The following FLVCR1 variants were observed in gnomAD, a reference collection of about 807,000 sequenced individuals.
FLVCR1 encodes choline/ethanolamine transporter FLVCR1.
A neutral mutation model predicts 53.6 loss-of-function variants in FLVCR1; 34 were observed. That is an observed-to-expected ratio of 0.63 (90% CI 0.48 to 0.84). The LOEUF (loss-of-function observed/expected upper bound fraction) is 0.84. Ranked by LOEUF, FLVCR1 falls within the 40% of genes least tolerant of loss-of-function variation. The probability of loss-of-function intolerance (pLI) is 0.00; values close to 1 mark genes in which losing one functional copy is unlikely to be tolerated. For synonymous variants in FLVCR1, 300 were observed against 286.3 expected, an observed-to-expected ratio of 1.05 and a Z score of -0.48; for missense variants, 677 against 696.7, an observed-to-expected ratio of 0.97 and a Z score of 0.32.
chr1:212,863,724 G>C lies in FLVCR1; in HGVS notation c.739-1G>C. On this transcript the variant is annotated splice_acceptor_variant, in intron 1 of 9. Transcript: ENST00000366971. LOFTEE classifies it high-confidence loss of function. ...TGTTAACAGGACTATGTGTTTTTCA[G>C]CTTGGAACTGCAGTTGGCTTTTTGC... 1 of 1,613,824 alleles carries C rather than the reference G, an allele frequency of 6.2e-7. No individual in the cohort carries two copies. The highest frequency in any genetic ancestry group is 8.5e-7 in the Non-Finnish European group (1 of 1,179,914).
Position 212,895,586 on chromosome 1 carries a change from A to G in FLVCR1, c.*296A>G, listed in dbSNP as rs1665313283. On this transcript the variant is annotated 3_prime_UTR_variant, in exon 10 of 10. Coordinates refer to ENST00000366971, the MANE Select transcript of FLVCR1 (RefSeq NM_014053.4). Reference sequence around the variant, plus strand: ...TAAGCTTCTTGACGTTTACTTTTTAAAAGTCGATGTTTTTCTTTTTTGTAG... The same window carrying G: ...TAAGCTTCTTGACGTTTACTTTTTAGAAGTCGATGTTTTTCTTTTTTGTAG... 2.6e-6 allele frequency: 1 copy of G among 390,674 alleles called. No individual in the cohort carries two copies. The highest frequency in any genetic ancestry group is 2.0e-5 in the African/African-American group (1 of 48,954). 24.2% of individuals were successfully genotyped at this position (390,674 alleles called of 1,614,324 possible). A position where few individuals can be genotyped will look rare whatever the true frequency, so the allele number is the denominator to read the frequency against.
chr1:212,888,392 G>T, intron 6 of FLVCR1, 97 bp from the exon 7 acceptor site: 1 of 835,946 alleles, frequency 1.2e-6, no homozygotes, highest in Non-Finnish European at 2.1e-6. Context: ...TCACTTATTT[G>T]GTCATTAGAA....
At chr1:212,883,343 T>G in intron 3 of FLVCR1, 28 bp from the exon 4 acceptor site, 6 of 1,256,798 alleles carry the variant, frequency 4.8e-6, no homozygotes, top group Non-Finnish European at 7.0e-6. Flanking sequence ...GTATCATGAC[T>G]TAATATCATC....
intron 4 of FLVCR1, among the ~76,000 whole-genome samples, chr1:212,884,945 GTA>G (rs1665021075): frequency 6.6e-6 from 1 of 152,162 alleles, no homozygotes; most frequent in African/African-American, 2.4e-5. Flanking sequence ...GGATCATACT[GTA>G]TATATGATTC....
chr1:212,858,710 G>A lies in FLVCR1; in HGVS notation c.258G>A (p.Ala86=). 6.3e-7 allele frequency: 1 copy of A among 1,599,358 alleles called. No individual in the cohort carries two copies. The highest frequency in any genetic ancestry group is 8.5e-7 in the Non-Finnish European group (1 of 1,174,698). Residue 86 remains alanine, a synonymous_variant, in exon 1 of 10, where the codon GCG becomes GCA. Coordinates refer to ENST00000366971, the MANE Select transcript of FLVCR1 (RefSeq NM_014053.4). ...AGGCCCGGCTGCTGCCTGCGGGCGC[G>A]GGAGCTGAGACCCCGGGGGCCGAGA... ...ETQARLLPAG[A]GAETPGAESS...
chr1:212,859,093 A>G lies in FLVCR1; in HGVS notation c.641A>G (p.Gln214Arg). The change falls in exon 1 of 10, where the codon CAG becomes CGG. Residue 214 changes from glutamine (Q) to arginine (R), a missense_variant. Transcript: ENST00000366971. ...GGCCAGTGCTTGTGCTCGGTGGCCC[A>G]GGTGTTCATCCTGGGCTTGCCCTCC... ...MLGQCLCSVA[Q>R]VFILGLPSRI... 6.2e-7 allele frequency: 1 copy of G among 1,613,772 alleles called. No individual in the cohort carries two copies.
At position 212,888,491 on chromosome 1, in the gene FLVCR1, T is replaced by A; in HGVS notation, c.1310T>A (p.Phe437Tyr). The change falls in exon 7 of 10, where the codon TTC becomes TAC. Residue 437 changes from phenylalanine to tyrosine, a missense_variant and splice_region_variant. Coordinates refer to ENST00000366971, the MANE Select transcript of FLVCR1 (RefSeq NM_014053.4). ...IVFVTGGVLG[F>Y]FMTGYLPLGF... ...TAATTCTGGATTTATTTTCCTAGCT[T>A]CTTCATGACTGGTTACCTCCCTTTG... 1 of 1,608,988 alleles carries A rather than the reference T, an allele frequency of 6.2e-7. No individual in the cohort carries two copies. The highest frequency in any genetic ancestry group is 1.3e-5 in the African/African-American group (1 of 74,932).
chr1:212,877,242 T>C (rs1255506026), intron 3 of FLVCR1, among the ~76,000 whole-genome samples: 1 of 151,558 alleles, frequency 6.6e-6, no homozygotes, highest in African/African-American at 2.4e-5. Context: ...TTCACACCAT[T>C]CTCCTGCCTC....
intron 3 of FLVCR1, among the ~76,000 whole-genome samples, chr1:212,879,949 A>G (rs1383639318): frequency 6.7e-6 from 1 of 150,212 alleles, no homozygotes; most frequent in African/African-American, 2.4e-5. Flanking sequence ...CTTAGATACC[A>G]TACTCTAGGT....
At chr1:212,894,277 C>G (rs1250756040) in intron 8 of FLVCR1, among the ~76,000 whole-genome samples, 1 of 152,144 alleles carries the variant, frequency 6.6e-6, no homozygotes, top group Non-Finnish European at 1.5e-5. Context: ...TCTCAGCCTC[C>G]CTAGTAGTTG....
chr1:212,865,518 T>A lies in FLVCR1; in HGVS notation c.883+1649T>A, dbSNP rs555511155. ...TTTTTTTTGAGACAGAGTCTCGCTC[T>A]GTCACCCAGGCTGGAGTGCAGTGGC... On this transcript the variant is annotated intron_variant, in intron 2 of 9. Coordinates refer to ENST00000366971, the MANE Select transcript of FLVCR1 (RefSeq NM_014053.4). Among the ~76,000 whole-genome samples the A allele has an allele frequency of 2.3e-5, 3 of 128,354 alleles. No homozygotes were observed. The South Asian group carries it at 7.2e-4, about 31-fold the overall frequency. 84.2% of individuals were successfully genotyped at this position (128,354 alleles called of 152,430 possible). A position where few individuals can be genotyped will look rare whatever the true frequency, so the allele number is the denominator to read the frequency against.
intron 2 of FLVCR1, among the ~76,000 whole-genome samples, chr1:212,868,039 A>G (rs1664491373): frequency 6.6e-6 from 1 of 152,072 alleles, no homozygotes; most frequent in Non-Finnish European, 1.5e-5. Flanking sequence ...TCCTGACCTC[A>G]TGATTCGCCC....
In FLVCR1 at chr1:212,880,589, G is replaced by A. The variant is rs143808237; in HGVS notation, c.1025-2782G>A. ...AAGGCAGGCAGATCACCTGAGGTCA[G>A]GAATTCAAGACCAGTGTGGCCAACA... On this transcript the variant is annotated intron_variant, in intron 3 of 9. Transcript: ENST00000366971. Among the ~76,000 whole-genome samples the A allele has an allele frequency of 7.5e-3, 1,147 of 152,186 alleles. 20 individuals carry two copies. The highest frequency in any genetic ancestry group is 0.026 in the African/African-American group (1,070 of 41,520).
chr1:212,863,685 C>T (rs754753446), intron 1 of FLVCR1, 40 bp from the exon 2 acceptor site: 26 of 1,602,108 alleles, frequency 1.6e-5, no homozygotes, highest in Non-Finnish European at 2.2e-5. Context: ...ACTTTTTTCT[C>T]TAATGATAAT....
At chr1:212,859,326 A>T in intron 1 of FLVCR1, 136 bp downstream of exon 1, 2 of 1,330,294 alleles carry the variant, frequency 1.5e-6, no homozygotes, top group Non-Finnish European at 2.1e-6. Context: ...AAGCCGTTGA[A>T]TAGGAGGCCG....
Position 212,885,338 on chromosome 1 carries a change from G to A in FLVCR1, c.1138G>A (p.Ala380Thr), listed in dbSNP as rs1461147119. ...AGRIGLTLVV[A>T]GMVGSILCGL... Reference sequence around the variant, plus strand: ...AAGGATTGGGCTAACGCTAGTAGTAGCTGGAATGGTGGGCTCTATTCTTTG... The same window carrying A: ...AAGGATTGGGCTAACGCTAGTAGTAACTGGAATGGTGGGCTCTATTCTTTG... Residue 380 changes from alanine to threonine, a missense_variant, in exon 5 of 10, where the codon GCT becomes ACT. Coordinates refer to ENST00000366971, the MANE Select transcript of FLVCR1 (RefSeq NM_014053.4). 1 of 1,614,068 alleles carries A rather than the reference G, an allele frequency of 6.2e-7. No homozygotes were observed. The highest frequency in any genetic ancestry group is 8.5e-7 in the Non-Finnish European group (1 of 1,179,994).
Position 212,858,556 on chromosome 1 carries a change from G to T in FLVCR1, c.104G>T (p.Ser35Ile). Residue 35 changes from serine to isoleucine, a missense_variant, in exon 1 of 10, where the codon AGC becomes ATC. Ser to Ile is a moderately radical substitution (Grantham distance 142). Coordinates refer to ENST00000366971, the MANE Select transcript of FLVCR1 (RefSeq NM_014053.4). ...LPRGAPVGKESVELQNGPKAG... is the reference protein window; with the variant it reads ...LPRGAPVGKEIVELQNGPKAG... ...AGGGGCGCGCCCGTTGGGAAGGAGAGCGTGGAGCTGCAGAACGGGCCCAAA... is the reference window on the plus strand; with the variant it reads ...AGGGGCGCGCCCGTTGGGAAGGAGATCGTGGAGCTGCAGAACGGGCCCAAA... 6.8e-7 allele frequency: 1 copy of T among 1,477,156 alleles called. No homozygotes were observed. Among genetic ancestry groups the T allele is most frequent in the East Asian group, 2.5e-5 (1 of 40,350 alleles). 91.5% of individuals were successfully genotyped at this position (1,477,156 alleles called of 1,614,324 possible).
chr1:212,865,360 A>G (rs1241713989), intron 2 of FLVCR1, among the ~76,000 whole-genome samples: 4 of 148,202 alleles, frequency 2.7e-5, no homozygotes, highest in Non-Finnish European at 5.9e-5. Flanking sequence ...GTTCCCACCT[A>G]TGAGTGAGAG....
At chr1:212,865,396 T>G (rs948971638) in intron 2 of FLVCR1, among the ~76,000 whole-genome samples, 1 of 151,766 alleles carries the variant, frequency 6.6e-6, no homozygotes, top group East Asian at 1.9e-4. Context: ...CCACAATTCT[T>G]AAGTCTGCTT....
Sources: allele counts gnomAD v4.1 joint callset (sites outside exome capture counted in the v4.1 genomes callset), GRCh38; gene constraint gnomAD v4.1.1; transcripts MANE v1.5; gene names NCBI Gene and HGNC (gene_info 2026-07-23, HGNC 2026-07-21).